MXI1: variants seen among roughly 807,000 people sequenced by gnomAD.
MXI1 encodes max-interacting protein 1.
A neutral mutation model predicts 36.9 loss-of-function variants in MXI1; 18 were observed. The observed-to-expected ratio is 0.49, with a 90% confidence interval of 0.34 to 0.72. MXI1 has a LOEUF of 0.72. MXI1 is among the 30% of genes least tolerant of loss of function. MXI1 has a pLI of 0.01. For synonymous variants in MXI1, 160 were observed against 146.7 expected, an observed-to-expected ratio of 1.09 and a Z score of -0.65; for missense variants, 304 against 379.1, an observed-to-expected ratio of 0.80 and a Z score of 1.64.
intron 5 of MXI1, among the ~76,000 whole-genome samples, chr10:110,283,354 C>T (rs1039350392): frequency 6.6e-6 from 1 of 151,578 alleles, no homozygotes; most frequent in African/African-American, 2.4e-5. Flanking sequence ...ACCTCTGCCT[C>T]CTAAGTTCAA....
chr10:110,280,011 C>T lies in MXI1; in HGVS notation c.650C>T (p.Pro217Leu). ...TGGCGACTGGAACAGCTGCAGGGTC[C>T]TCAGGAGATGGAACGAATACGAATG... ...LKWRLEQLQG[P>L]QEMERIRMDS... Residue 217 changes from proline (P) to leucine (L), a missense_variant, in exon 5 of 6, where the codon CCT becomes CTT. Physicochemically the swap from Pro to Leu is moderately conservative, Grantham distance 98. Transcript: ENST00000332674. 1 of 1,612,498 alleles carries T rather than the reference C, an allele frequency of 6.2e-7. No individual in the cohort carries two copies. Among genetic ancestry groups the T allele is most frequent in the Non-Finnish European group, 8.5e-7 (1 of 1,178,930 alleles).
intron 1 of MXI1, among the ~76,000 whole-genome samples, chr10:110,221,552 C>T (rs1854806921): frequency 6.6e-6 from 1 of 152,002 alleles, no homozygotes. Flanking sequence ...GATCCAAGTT[C>T]ATGCAAAAAA....
chr10:110,270,296 A>G (rs568418550), intron 3 of MXI1, among the ~76,000 whole-genome samples: 4 of 152,362 alleles, frequency 2.6e-5, no homozygotes, highest in South Asian at 2.1e-4. Context: ...TTATAAACAG[A>G]TAAGAGAGGG....
intron 2 of MXI1, among the ~76,000 whole-genome samples, chr10:110,232,831 G>A (rs1855324239): frequency 6.6e-6 from 1 of 152,190 alleles, no homozygotes; most frequent in South Asian, 2.1e-4. Context: ...TGGAAAAACA[G>A]CATGTAGTAT....
chr10:110,215,734 T>A (rs1854621508), intron 1 of MXI1, among the ~76,000 whole-genome samples: 1 of 152,244 alleles, frequency 6.6e-6, no homozygotes. Context: ...TCTTTTACAT[T>A]TGGGGGCTGG....
At chr10:110,273,177 AGCTGGGACTACAG>A (rs1262267404) in intron 3 of MXI1, among the ~76,000 whole-genome samples, 1 of 150,494 alleles carries the variant, frequency 6.6e-6, no homozygotes, top group Non-Finnish European at 1.5e-5. Context: ...CCTCCCAAGT[AGCTGGGACTACAG>A]GCATGTGCCA....
chr10:110,284,123 G>T (rs1337764344), intron 5 of MXI1, among the ~76,000 whole-genome samples: 1 of 151,122 alleles, frequency 6.6e-6, no homozygotes, highest in Non-Finnish European at 1.5e-5. Context: ...AGTCAAATAT[G>T]TATTTGTGGT....
At position 110,228,000 on chromosome 10, in the gene MXI1, C is replaced by CAGCT. The variant is rs1413531652; in HGVS notation, c.275-188_275-185dup. The stretch of plus-strand genomic sequence containing the variant: ...TTAGAGGAGGTATCAAAACACCTTC[C>CAGCT]AGCTGGTGGGGTGTCACAGGATTGA... On this transcript the variant is annotated intron_variant, in intron 1 of 5. Coordinates refer to ENST00000332674, the MANE Select transcript of MXI1 (RefSeq NM_130439.3). The CAGCT allele has an allele frequency of 8.2e-6, 5 of 608,742 alleles. No homozygotes were observed. In the African/African-American group the frequency reaches 9.2e-5, roughly 11 times the overall value. The allele number at this position is 608,742 out of a possible 1,614,324, so 37.7% of individuals were successfully genotyped here.
rs1854397321 is a variant in MXI1 at position 110,207,663 on chromosome 10, GCAGGCAGCGAGGCTCGGGAAGT to G, written c.-140_-119del. On this transcript the variant is annotated 5_prime_UTR_variant, in exon 1 of 6. Coordinates refer to ENST00000332674, the MANE Select transcript of MXI1 (RefSeq NM_130439.3). ...CTCCCATACACTCACACACACAACTGCAGGCAGCGAGGCTCGGGAAGTCAGGCCGGCTTTTCGCCCCGGCGCC... is the reference window on the plus strand; with the variant it reads ...CTCCCATACACTCACACACACAACTGCAGGCCGGCTTTTCGCCCCGGCGCC... 14 of 251,524 alleles carry G rather than the reference GCAGGCAGCGAGGCTCGGGAAGT, an allele frequency of 5.6e-5. No individual in the cohort carries two copies. Among genetic ancestry groups the G allele is most frequent in the Non-Finnish European group, 9.2e-5 (14 of 152,430 alleles). The allele number at this position is 251,524 out of a possible 1,614,324, so 15.6% of individuals were successfully genotyped here. A position where few individuals can be genotyped will look rare whatever the true frequency, so the allele number is the denominator to read the frequency against.
intron 3 of MXI1, among the ~76,000 whole-genome samples, chr10:110,268,823 A>G (rs779190307): frequency 1.3e-5 from 2 of 152,214 alleles, no homozygotes; most frequent in Non-Finnish European, 2.9e-5. Context: ...ATTTAGAAAT[A>G]AAAAGACATA....
At chr10:110,216,415 C>T (rs962108712) in intron 1 of MXI1, among the ~76,000 whole-genome samples, 2 of 152,044 alleles carry the variant, frequency 1.3e-5, no homozygotes, top group Non-Finnish European at 2.9e-5. Flanking sequence ...GAGTCCTTGC[C>T]CTCATGGAGT....
chr10:110,229,407 C>T (rs1855180076), intron 2 of MXI1, among the ~76,000 whole-genome samples: 1 of 152,140 alleles, frequency 6.6e-6, no homozygotes, highest in African/African-American at 2.4e-5. Context: ...TTTGGGACAG[C>T]AGATTGGGTC....
intron 3 of MXI1, among the ~76,000 whole-genome samples, chr10:110,275,479 GAA>G (rs1196585679): frequency 6.6e-6 from 1 of 152,140 alleles, no homozygotes; most frequent in African/African-American, 2.4e-5. Flanking sequence ...GCTGTTCTAA[GAA>G]TTTGCAGGAG....
chr10:110,222,117 GA>G (rs1854827682), intron 1 of MXI1, among the ~76,000 whole-genome samples: 1 of 152,340 alleles, frequency 6.6e-6, no homozygotes, highest in South Asian at 2.1e-4. Flanking sequence ...GGCTCTGGGG[GA>G]AGAGGAGGGG....
chr10:110,273,716 C>G (rs1011092748), intron 3 of MXI1, among the ~76,000 whole-genome samples: 5 of 152,104 alleles, frequency 3.3e-5, no homozygotes, highest in Admixed American at 2.6e-4. Flanking sequence ...TTCAGCAGAG[C>G]GGAAAATATA....
chr10:110,266,739 G>C (rs1010588410), intron 3 of MXI1, among the ~76,000 whole-genome samples: 1 of 152,080 alleles, frequency 6.6e-6, no homozygotes, highest in Admixed American at 6.6e-5. Context: ...TTTTATCTGA[G>C]TGCTTCTCAT....
chr10:110,265,020 AT>A (rs2134438470), intron 3 of MXI1, among the ~76,000 whole-genome samples: 1 of 151,860 alleles, frequency 6.6e-6, no homozygotes, highest in Non-Finnish European at 1.5e-5. Context: ...TCTATTTAGG[AT>A]TTTTTAGTTC....
chr10:110,221,950 A>G (rs1854820866), intron 1 of MXI1, among the ~76,000 whole-genome samples: 2 of 152,096 alleles, frequency 1.3e-5, no homozygotes, highest in Non-Finnish European at 2.9e-5. Flanking sequence ...TCTCGGGTTT[A>G]GCATTACGTC....
At chr10:110,260,954 C>A in intron 3 of MXI1, 3 of 976,138 alleles carry the variant, frequency 3.1e-6, no homozygotes, top group Non-Finnish European at 3.7e-6. Flanking sequence ...CTCCAGAAAT[C>A]TGGTTTTGTG....
Sources: gnomAD v4.1 joint callset for allele counts (sites outside exome capture counted in the v4.1 genomes callset) on GRCh38, gnomAD v4.1.1 for gene constraint, MANE v1.5 for transcripts, NCBI Gene and HGNC (gene_info 2026-07-23, HGNC 2026-07-21) for gene names.